ADPRHL1: variants seen among roughly 807,000 people sequenced by gnomAD.
The protein encoded by ADPRHL1 is inactive ADP-ribosyltransferase ARH2.
Under a neutral mutation model 44.1 loss-of-function variants are expected in ADPRHL1, and 43 were observed. The ratio of observed to expected loss-of-function variants is 0.98; its 90% CI spans 0.76 to 1.26. ADPRHL1 has a LOEUF of 1.26. Among genes scored for constraint, ADPRHL1 ranks in the 50% most tolerant of loss-of-function variants. ADPRHL1 has a pLI of 0.00. For missense variants in ADPRHL1, 2,022 were observed against 2,496.9 expected (o/e 0.81, Z 4.05); for synonymous variants, 878 against 1,017.4 (o/e 0.86, Z 2.61).
In ADPRHL1 at chr13:113,406,319, G is replaced by T; in HGVS notation, c.2963C>A (p.Pro988Gln). 5 of 1,232,096 alleles carry T rather than the reference G, an allele frequency of 4.1e-6. No homozygotes were observed. Among genetic ancestry groups the T allele is most frequent in the Non-Finnish European group, 5.1e-6 (5 of 987,974 alleles). 76.3% of individuals were successfully genotyped at this position (1,232,096 alleles called of 1,614,324 possible). Reference protein sequence around the residue: ...RTSELRDVKHPLPESNEISMQ... With the variant: ...RTSELRDVKHQLPESNEISMQ... ...TGATATTTCATTAGATTCCGGCAACGGATGCTTCACATCTCTGAGCTCAGA... is the reference window on the plus strand; with the variant it reads ...TGATATTTCATTAGATTCCGGCAACTGATGCTTCACATCTCTGAGCTCAGA... Residue 988 changes from proline (P) to glutamine (Q), a missense_variant, in exon 8 of 8, where the codon CCG becomes CAG. Around this residue, in one of 8 missense-constraint regions of ADPRHL1, gnomAD observed 1,221 missense variants for 1,517.8 expected, o/e 0.80. Transcript: ENST00000612156.
intron 2 of ADPRHL1, among the ~76,000 whole-genome samples, chr13:113,444,029 TA>T (rs2044117868): frequency 6.6e-6 from 1 of 152,196 alleles, no homozygotes; most frequent in Non-Finnish European, 1.5e-5. Context: ...AGAAAATATT[TA>T]TAATATATAG....
chr13:113,453,343 T>A lies in ADPRHL1; in HGVS notation c.95A>T (p.Lys32Met). ...GGAACGTTGCAGCTCCTCCTGGATC[T>A]TCATGCCTACAGTGCTGTTCTCCTT... ...VCKENSTVGM[K>M]IQEELQRSGG... Residue 32 changes from lysine (K) to methionine (M), a missense_variant, in exon 1 of 8, where the codon AAG (lysine) becomes ATG (methionine). Physicochemically the swap from Lys to Met is moderately conservative, Grantham distance 95 (BLOSUM62 -1). This residue lies in a region of ADPRHL1 where 437 missense variants were observed against 430.7 expected (regional missense o/e 1.01). Transcript: ENST00000612156. This position sits in a 1 kb window ranked among gnomAD's most constrained non-coding sequence, Gnocchi z 5.4. The A allele has an allele frequency of 6.2e-7, 1 of 1,614,216 alleles. No individual in the cohort carries two copies. Among genetic ancestry groups the A allele is most frequent in the Non-Finnish European group, 8.5e-7 (1 of 1,180,036 alleles).
Position 113,404,331 on chromosome 13 carries a change from G to A in ADPRHL1, c.4951C>T (p.Arg1651Trp), listed in dbSNP as rs1417541353. 1.4e-5 allele frequency: 19 copies of A among 1,314,962 alleles called. No individual in the cohort carries two copies. The highest frequency in any genetic ancestry group is 9.4e-5 in the South Asian group (4 of 42,334). The allele number at this position is 1,314,962 out of a possible 1,614,324, so 81.5% of individuals were successfully genotyped here. The stretch of plus-strand genomic sequence containing the variant: ...TGCTCCTGAGCCTGTTCCTGGGCCC[G>A]TTCCTGAGCCCCTTTCTGGGCCTGA... ...QGQAQKGAQE[R>W]AQEQAQEQTQ... Residue 1651 changes from arginine (R) to tryptophan (W), a missense_variant, in exon 8 of 8, where the codon CGG (arginine) becomes TGG (tryptophan). Around this residue, in one of 8 missense-constraint regions of ADPRHL1, gnomAD observed 25 missense variants for 50.2 expected, o/e 0.50. Coordinates refer to ENST00000612156, the MANE Select transcript of ADPRHL1 (RefSeq NM_001394807.1).
At chr13:113,426,571 G>A (rs959308683) in intron 4 of ADPRHL1, among the ~76,000 whole-genome samples, 44 of 152,370 alleles carry the variant, frequency 2.9e-4, no homozygotes, top group African/African-American at 8.7e-4. Flanking sequence ...GGACCTGGAC[G>A]AGGCTCACAG....
In ADPRHL1 at chr13:113,407,871, T is replaced by A; in HGVS notation, c.1411A>T (p.Ile471Phe). 4.1e-6 allele frequency: 5 copies of A among 1,231,928 alleles called. No homozygotes were observed. The highest frequency in any genetic ancestry group is 5.1e-6 in the Non-Finnish European group (5 of 987,974). The allele number at this position is 1,231,928 out of a possible 1,614,324, so 76.3% of individuals were successfully genotyped here. The change falls in exon 8 of 8, where the codon ATC becomes TTC. Residue 471 changes from isoleucine to phenylalanine, a missense_variant. Ile to Phe is a conservative substitution (Grantham distance 21). This residue lies in a region of ADPRHL1 where 1,221 missense variants were observed against 1,517.8 expected (regional missense o/e 0.80). Transcript: ENST00000612156. ...TTGGTCTTCTCCAGGAGCTTGTTGA[T>A]GGTGGCACCCACGAGGCCCCCACCC... ...GPGGGLVGATINKLLEKTKEP... is the reference protein window; with the variant it reads ...GPGGGLVGATFNKLLEKTKEP...
chr13:113,447,772 G>C (rs1033022906), intron 1 of ADPRHL1, among the ~76,000 whole-genome samples: 1 of 152,184 alleles, frequency 6.6e-6, no homozygotes, highest in Non-Finnish European at 1.5e-5. Flanking sequence ...CAGGAATTAA[G>C]GTCACCTTCG....
At chr13:113,408,319 C>A (rs1034445190) in intron 7 of ADPRHL1, 99 bp from the exon 8 acceptor site, 1 of 1,181,168 alleles carries the variant, frequency 8.5e-7, no homozygotes. Context: ...TTTTCAGGGG[C>A]CCCAAAAGTC....
In ADPRHL1 at chr13:113,401,348, GTGTGCTTCGTGAGAGAGGGGACCC is replaced by G. The variant is rs1194777260; in HGVS notation, c.*2006_*2029del. 1 of 152,210 alleles carries G rather than the reference GTGTGCTTCGTGAGAGAGGGGACCC, an allele frequency of 6.6e-6. No individual in the cohort carries two copies. The highest frequency in any genetic ancestry group is 1.9e-4 in the East Asian group (1 of 5,176). The allele number at this position is 152,210 out of a possible 1,614,324, so 9.4% of individuals were successfully genotyped here. A position where few individuals can be genotyped will look rare whatever the true frequency, so the allele number is the denominator to read the frequency against. On this transcript the variant is annotated 3_prime_UTR_variant, in exon 8 of 8. Coordinates refer to ENST00000612156, the MANE Select transcript of ADPRHL1 (RefSeq NM_001394807.1). This position sits in a 1 kb window ranked among gnomAD's most constrained non-coding sequence, Gnocchi z 5.5. ...GCAGGGGCAGGGACTCTGGAGGTCC[GTGTGCTTCGTGAGAGAGGGGACCC>G]TGTCCTCCTAGCAGGGGTCCAGCGG... is the stretch of plus-strand genomic sequence containing the variant.
chr13:113,430,627 G>T (rs1348191887), intron 3 of ADPRHL1, among the ~76,000 whole-genome samples: 2 of 152,168 alleles, frequency 1.3e-5, no homozygotes, highest in Non-Finnish European at 2.9e-5. Flanking sequence ...GGTGATATCA[G>T]TGGTGACAGG....
chr13:113,420,798 C>T (rs896680916), intron 7 of ADPRHL1, among the ~76,000 whole-genome samples: 1 of 152,078 alleles, frequency 6.6e-6, no homozygotes, highest in South Asian at 2.1e-4. Context: ...ACGAACGGGG[C>T]ATCTCTATGG....
chr13:113,430,861 G>A (rs960388717), intron 3 of ADPRHL1, among the ~76,000 whole-genome samples: 12 of 152,284 alleles, frequency 7.9e-5, no homozygotes, highest in East Asian at 3.9e-4. Context: ...GTTACAGTGC[G>A]AGTGGCCATG....
At chr13:113,428,151 G>C (rs909411328) in intron 4 of ADPRHL1, among the ~76,000 whole-genome samples, 1 of 151,450 alleles carries the variant, frequency 6.6e-6, no homozygotes, top group African/African-American at 2.4e-5. Context: ...GGCTGAGGCA[G>C]GAGAATTGCT....
intron 1 of ADPRHL1, among the ~76,000 whole-genome samples, chr13:113,450,386 G>A (rs1177975743): frequency 2.0e-5 from 3 of 152,200 alleles, no homozygotes; most frequent in Non-Finnish European, 2.9e-5. Context: ...AGCCCCACAG[G>A]GTCGGTGGGT....
In ADPRHL1 at chr13:113,405,618, G is replaced by C; in HGVS notation, c.3664C>G (p.Pro1222Ala). ...GAAATGTATAATCGGGCCGCCTCTG[G>C]GTGCCGGGCGAGGGCCGCAGCATCC... ...PEDAAALARH[P>A]EAARLYISNT... Residue 1222 changes from proline (P) to alanine (A), a missense_variant, in exon 8 of 8, where the codon CCA (proline) becomes GCA (alanine). Physicochemically the swap from Pro to Ala is conservative, Grantham distance 27. Transcript: ENST00000612156. 1 of 1,232,750 alleles carries C rather than the reference G, an allele frequency of 8.1e-7. No homozygotes were observed. Among genetic ancestry groups the C allele is most frequent in the South Asian group, 4.1e-5 (1 of 24,360 alleles). 76.4% of individuals were successfully genotyped at this position (1,232,750 alleles called of 1,614,324 possible).
intron 7 of ADPRHL1, chr13:113,410,100 CGT>C: frequency 1.0e-6 from 1 of 985,080 alleles, no homozygotes; most frequent in Non-Finnish European, 1.2e-6. Context: ...ACCACGTAGC[CGT>C]GTTGCCGTGG....
rs1282226372 is a variant in ADPRHL1 at position 113,424,361 on chromosome 13, G to C, written c.775-12C>G. On this transcript the variant is annotated splice_polypyrimidine_tract_variant and intron_variant, in intron 5 of 7. Coordinates refer to ENST00000612156, the MANE Select transcript of ADPRHL1 (RefSeq NM_001394807.1). ...CACTTCCTGTAGGTCTGACAAGAGAGCCGTGGGTCGGGGCGTGTGCCCAAG... is the reference window on the plus strand; with the variant it reads ...CACTTCCTGTAGGTCTGACAAGAGACCCGTGGGTCGGGGCGTGTGCCCAAG... 10 of 1,612,608 alleles carry C rather than the reference G, an allele frequency of 6.2e-6. No individual in the cohort carries two copies. The Admixed American group carries it at 1.5e-4, about 24-fold the overall frequency.
intron 2 of ADPRHL1, among the ~76,000 whole-genome samples, chr13:113,439,836 T>C (rs1487672726): frequency 1.3e-5 from 2 of 152,246 alleles, no homozygotes; most frequent in Non-Finnish European, 2.9e-5. Flanking sequence ...TCAAAAACAT[T>C]TGTCCTTTTA....
rs1455669010 is a variant in ADPRHL1 at position 113,400,298 on chromosome 13, A to G, written c.*3080T>C. The G allele has an allele frequency of 6.7e-6, 1 of 149,982 alleles. No homozygotes were observed. Among genetic ancestry groups the G allele is most frequent in the Non-Finnish European group, 1.5e-5 (1 of 67,404 alleles). 9.3% of individuals were successfully genotyped at this position (149,982 alleles called of 1,614,324 possible). A position where few individuals can be genotyped will look rare whatever the true frequency, so the allele number is the denominator to read the frequency against. ...GTAGCTGGGACTACAGGCACCCACC[A>G]CCACGCCCGGCTAATTTTTGTATTT... On this transcript the variant is annotated 3_prime_UTR_variant, in exon 8 of 8. Transcript: ENST00000612156.
chr13:113,434,736 A>G, intron 2 of ADPRHL1, among the ~76,000 whole-genome samples: 1 of 122,026 alleles, frequency 8.2e-6, no homozygotes, highest in Admixed American at 8.0e-5. Context: ...CCAGGCGTAG[A>G]GTGAACATAG....
Sources: allele counts gnomAD v4.1 joint callset (sites outside exome capture counted in the v4.1 genomes callset), GRCh38; gene constraint gnomAD v4.1.1; regional missense constraint gnomAD v4.1.1; non-coding constraint Gnocchi (gnomAD v3.1); transcripts MANE v1.5; gene names NCBI Gene and HGNC (gene_info 2026-07-23, HGNC 2026-07-21).